Variants in RBFOX1 observed in about 807,000 individuals in gnomAD.
RBFOX1 encodes RNA binding fox-1 homolog 1, also known as RNA binding protein fox-1 homolog 1.
Under a neutral mutation model 57.7 loss-of-function variants are expected in RBFOX1, and 8 were observed. That is an observed-to-expected ratio of 0.14 (90% confidence interval 0.08 to 0.25). The LOEUF (loss-of-function observed/expected upper bound fraction) is 0.25. RBFOX1 is among the 10% of genes least tolerant of loss of function. RBFOX1 has a pLI of 1.00. For missense variants in RBFOX1, 611 were observed against 548.5 expected, an observed-to-expected ratio of 1.11 and a Z score of -1.14; for synonymous variants, 326 against 222.4, an observed-to-expected ratio of 1.47 and a Z score of -4.15.
chr16:7,558,953 AT>A (rs538765007), intron 5 of RBFOX1, among the ~76,000 whole-genome samples: 1 of 152,080 alleles, frequency 6.6e-6, no homozygotes, highest in African/African-American at 2.4e-5. Flanking sequence ...TCTTTTGAAG[AT>A]TTTTTTCCCT....
intron 2 of RBFOX1, among the ~76,000 whole-genome samples, chr16:5,506,724 T>A (rs890871325): frequency 3.3e-5 from 5 of 152,052 alleles, no homozygotes; most frequent in Non-Finnish European, 7.4e-5. Flanking sequence ...CCCAGGGACA[T>A]CTTGATCTCC....
At chr16:6,644,600 C>T (rs768765933) in intron 2 of RBFOX1, among the ~76,000 whole-genome samples, 2 of 152,188 alleles carry the variant, frequency 1.3e-5, no homozygotes, top group African/African-American at 4.8e-5. Flanking sequence ...GAGAACAATG[C>T]TGTGCCCAGG....
At chr16:6,955,196 G>A (rs967881002) in intron 3 of RBFOX1, among the ~76,000 whole-genome samples, 1 of 152,022 alleles carries the variant, frequency 6.6e-6, no homozygotes, top group African/African-American at 2.4e-5. Context: ...AACTGAGATG[G>A]CACCACTGTA....
intron 3 of RBFOX1, among the ~76,000 whole-genome samples, chr16:6,853,272 C>T (rs1481050836): frequency 1.3e-5 from 2 of 152,022 alleles, no homozygotes; most frequent in Non-Finnish European, 2.9e-5. Context: ...TAAATGTTGG[C>T]TGTAATTATT....
intron 3 of RBFOX1, among the ~76,000 whole-genome samples, chr16:6,777,442 G>A (rs919719338): frequency 1.4e-4 from 22 of 152,190 alleles, no homozygotes; most frequent in African/African-American, 4.1e-4. Flanking sequence ...AATAACACTA[G>A]GTATCAGTTT....
intron 1 of RBFOX1, among the ~76,000 whole-genome samples, chr16:6,054,686 GTGTTTCTGTATGC>G (rs2095593219): frequency 6.6e-6 from 1 of 152,160 alleles, no homozygotes; most frequent in South Asian, 2.1e-4. Context: ...TTCAAATTTT[GTGTTTCTGTATGC>G]TGTTGAAGGG....
At chr16:5,775,280 C>G (rs900286550) in intron 3 of RBFOX1, among the ~76,000 whole-genome samples, 1 of 152,144 alleles carries the variant, frequency 6.6e-6, no homozygotes, top group African/African-American at 2.4e-5. Flanking sequence ...TAACATCCCC[C>G]TTCTCACCCC....
chr16:5,817,055 A>C (rs2055667964), intron 3 of RBFOX1, among the ~76,000 whole-genome samples: 1 of 152,194 alleles, frequency 6.6e-6, no homozygotes, highest in South Asian at 2.1e-4. Flanking sequence ...AGTAAATCCC[A>C]GAAAAATCAG....
chr16:7,151,796 C>T (rs1198218326), intron 4 of RBFOX1, among the ~76,000 whole-genome samples: 2 of 152,044 alleles, frequency 1.3e-5, no homozygotes, highest in Non-Finnish European at 2.9e-5. Flanking sequence ...GATCATCAGG[C>T]ATTAGATTCT....
chr16:6,249,659 G>A (rs1205827814), intron 1 of RBFOX1, among the ~76,000 whole-genome samples: 1 of 152,108 alleles, frequency 6.6e-6, no homozygotes. Context: ...TGCAGGCAAA[G>A]GTGAGATCTA....
chr16:6,694,593 C>T (rs1024703375), intron 3 of RBFOX1, among the ~76,000 whole-genome samples: 2 of 150,610 alleles, frequency 1.3e-5, no homozygotes, highest in African/African-American at 2.5e-5. Context: ...GGTGCAGGAA[C>T]TCAGTCTCAT....
chr16:5,821,992 C>G (rs1197265658), intron 3 of RBFOX1, among the ~76,000 whole-genome samples: 3 of 152,166 alleles, frequency 2.0e-5, no homozygotes, highest in Admixed American at 6.5e-5. Context: ...CACAAACATT[C>G]AGAGCATATC....
chr16:7,466,137 C>G (rs377290120), intron 4 of RBFOX1, among the ~76,000 whole-genome samples: 2 of 152,168 alleles, frequency 1.3e-5, no homozygotes, highest in African/African-American at 4.8e-5. Context: ...CAACAGTGAA[C>G]ACCATCTGGG....
intron 2 of RBFOX1, among the ~76,000 whole-genome samples, chr16:6,325,823 T>A (rs2082308547): frequency 6.6e-6 from 1 of 152,218 alleles, no homozygotes; most frequent in South Asian, 2.1e-4. Context: ...GGTTTTATTT[T>A]CCTAAAATAT....
intron 1 of RBFOX1, among the ~76,000 whole-genome samples, chr16:6,234,943 C>G (rs1206629322): frequency 6.6e-6 from 1 of 152,128 alleles, no homozygotes; most frequent in Admixed American, 6.6e-5. Flanking sequence ...TTGGGGGAAA[C>G]TGGGTAAATT....
chr16:5,714,376 C>T (rs1033621212), intron 3 of RBFOX1, among the ~76,000 whole-genome samples: 2 of 152,170 alleles, frequency 1.3e-5, no homozygotes, highest in African/African-American at 2.4e-5. Context: ...AAGAACTTCC[C>T]CATACCAATG....
At chr16:6,824,895 G>C (rs1334242559) in intron 3 of RBFOX1, among the ~76,000 whole-genome samples, 1 of 150,388 alleles carries the variant, frequency 6.6e-6, no homozygotes, top group African/African-American at 2.4e-5. Context: ...GTATTGTTGG[G>C]TTCCTGCCAT....
At chr16:6,073,395 A>G (rs907903436) in intron 1 of RBFOX1, among the ~76,000 whole-genome samples, 8 of 152,196 alleles carry the variant, frequency 5.3e-5, no homozygotes, top group African/African-American at 7.2e-5. Context: ...AGGTACTTCT[A>G]TCTCTTAACT....
At chr16:6,665,727 C>T (rs1160797974) in intron 3 of RBFOX1, among the ~76,000 whole-genome samples, 1 of 151,706 alleles carries the variant, frequency 6.6e-6, no homozygotes, top group Non-Finnish European at 1.5e-5. Context: ...ATAGCAACTA[C>T]CTTGCATTGA....
Sources: gnomAD v4.1 joint callset for allele counts (sites outside exome capture counted in the v4.1 genomes callset) on GRCh38, gnomAD v4.1.1 for gene constraint, MANE v1.5 for transcripts, NCBI Gene and HGNC (gene_info 2026-07-23, HGNC 2026-07-21) for gene names.